Variants in MUCL1 observed in about 807,000 individuals in gnomAD.
MUCL1 encodes the protein mucin-like protein 1.
Under a neutral mutation model 9.2 loss-of-function variants are expected in MUCL1, and 11 were observed. That is an observed-to-expected ratio of 1.19 (90% CI 0.75 to 1.97). The LOEUF (loss-of-function observed/expected upper bound fraction) is 1.97, where lower values mean the gene tolerates loss of function less well. MUCL1 is among the 30% of genes most tolerant of loss of function. MUCL1 has a pLI of 0.00. For synonymous variants in MUCL1, 48 were observed against 40.5 expected (o/e 1.19, Z -0.71); for missense variants, 144 against 110.9 (o/e 1.30, Z -1.34).
Position 54,854,554 on chromosome 12 carries a change from C to T in MUCL1, c.-29C>T, listed in dbSNP as rs1343625922. On this transcript the variant is annotated 5_prime_UTR_variant, in exon 1 of 4. Transcript: ENST00000308796. ...CTCTTAGGCTTTGAAGCATTTTTGTCTGTGCTCCCTGATCTTCAGGTCACC... is the reference window on the plus strand; with the variant it reads ...CTCTTAGGCTTTGAAGCATTTTTGTTTGTGCTCCCTGATCTTCAGGTCACC... 1.0e-5 allele frequency: 16 copies of T among 1,600,904 alleles called. No individual in the cohort carries two copies. In the South Asian group the frequency reaches 1.6e-4, roughly 16 times the overall value.
chr12:54,839,350 T>A, upstream of MUCL1: 2 of 700,806 alleles, frequency 2.9e-6, no homozygotes, highest in Non-Finnish European at 5.2e-6. Flanking sequence ...TATTTATTAA[T>A]TTTCTCCCTC....
Position 54,854,596 on chromosome 12 carries a change from C to T in MUCL1, c.14C>T (p.Ala5Val). Residue 5 changes from alanine to valine, a missense_variant, in exon 1 of 4, where the codon GCA (alanine) becomes GTA (valine). Transcript: ENST00000308796. ...CAGGTCACCACCATGAAGTTCTTAG[C>T]AGTCCTGGTACTCTTGGGAGTTTCC... The part of the protein sequence containing the change: MKFL[A>V]VLVLLGVSIF... The T allele has an allele frequency of 6.2e-7, 1 of 1,613,396 alleles. No individual in the cohort carries two copies. The highest frequency in any genetic ancestry group is 8.5e-7 in the Non-Finnish European group (1 of 1,179,522).
chr12:54,836,350 C>A (rs1959193072), upstream of MUCL1, among the ~76,000 whole-genome samples: 1 of 152,078 alleles, frequency 6.6e-6, no homozygotes. Context: ...GAAATTTATT[C>A]ATTTCCTCTA....
At position 54,858,231 on chromosome 12, in the gene MUCL1, G is replaced by A; in HGVS notation, c.262G>A (p.Val88Met). The A allele has an allele frequency of 1.2e-6, 2 of 1,613,512 alleles. No homozygotes were observed. The highest frequency in any genetic ancestry group is 4.5e-5 in the East Asian group (2 of 44,856). ...KWVGDLPNGR[V>M]CP Reference sequence around the variant, plus strand: ...GGTTGGGGATCTCCCGAATGGTAGAGTGTGTCCCTGAGATGGAATCAGCTT... The same window carrying A: ...GGTTGGGGATCTCCCGAATGGTAGAATGTGTCCCTGAGATGGAATCAGCTT... The change falls in exon 4 of 4, where the codon GTG (valine) becomes ATG (methionine). Residue 88 changes from valine (V) to methionine (M), a missense_variant. Physicochemically the swap from Val to Met is conservative, Grantham distance 21 (BLOSUM62 1). Transcript: ENST00000308796.
At chr12:54,847,370 C>A (rs1959272493) in intron 1 of MUCL1, among the ~76,000 whole-genome samples, 1 of 152,168 alleles carries the variant, frequency 6.6e-6, no homozygotes, top group Non-Finnish European at 1.5e-5. Flanking sequence ...AATCCCAGCA[C>A]TTTGGGAGGA....
upstream of MUCL1, among the ~76,000 whole-genome samples, chr12:54,836,958 T>C (rs892404303): frequency 6.6e-6 from 1 of 152,238 alleles, no homozygotes; most frequent in Non-Finnish European, 1.5e-5. Context: ...CTTGATATAA[T>C]TTCAATTTTT....
intron 3 of MUCL1, among the ~76,000 whole-genome samples, chr12:54,857,370 C>T (rs898358909): frequency 6.6e-6 from 1 of 151,788 alleles, no homozygotes. Flanking sequence ...AATGATTTTA[C>T]AATCTTTCTT....
In MUCL1 at chr12:54,855,160, G is replaced by A. The variant is rs1440120721; in HGVS notation, c.100+3G>A. On this transcript the variant is annotated splice_donor_region_variant and intron_variant, in intron 2 of 3. Coordinates refer to ENST00000308796, the MANE Select transcript of MUCL1 (RefSeq NM_058173.3). Reference sequence around the variant, plus strand: ...TCCAGCTGACACGTATCCAGCTAGTGAGTCTGCACTTGAATGTCATCTCTT... The same window carrying A: ...TCCAGCTGACACGTATCCAGCTAGTAAGTCTGCACTTGAATGTCATCTCTT... The A allele has an allele frequency of 6.2e-7, 1 of 1,612,864 alleles. No individual in the cohort carries two copies. Among genetic ancestry groups the A allele is most frequent in the Non-Finnish European group, 8.5e-7 (1 of 1,179,350 alleles).
At position 54,856,862 on chromosome 12, in the gene MUCL1, G is replaced by T; in HGVS notation, c.193G>T (p.Ala65Ser). The change falls in exon 3 of 4, where the codon GCT becomes TCT. Residue 65 changes from alanine to serine, a missense_variant. Physicochemically the swap from Ala to Ser is moderately conservative, Grantham distance 99. Transcript: ENST00000308796. ...TGCTCCTACCACTGCAACCACCGCT[G>T]CTTCTACCACTGCTCGTAAAGACAT... ...TAAPTTATTA[A>S]STTARKDIPV... The T allele has an allele frequency of 1.2e-6, 2 of 1,613,200 alleles. No homozygotes were observed. The highest frequency in any genetic ancestry group is 1.7e-6 in the Non-Finnish European group (2 of 1,179,408).
intron 1 of MUCL1, among the ~76,000 whole-genome samples, chr12:54,840,031 C>T (rs998945314): frequency 3.3e-5 from 5 of 152,186 alleles, no homozygotes; most frequent in African/African-American, 1.2e-4. Context: ...TGAATTCCCC[C>T]TGCCCCTGGA....
At chr12:54,844,018 T>C (rs1264628270) in intron 1 of MUCL1, among the ~76,000 whole-genome samples, 3 of 152,194 alleles carry the variant, frequency 2.0e-5, no homozygotes, top group South Asian at 2.1e-4. Flanking sequence ...GATTTGGTAA[T>C]TTATTGTTTA....
At chr12:54,854,831 A>G (rs1868287320) in intron 1 of MUCL1, among the ~76,000 whole-genome samples, 191 bp downstream of exon 1, 1 of 152,162 alleles carries the variant, frequency 6.6e-6, no homozygotes, top group Admixed American at 6.5e-5. Flanking sequence ...GTCAGATCTT[A>G]CTTCAATAAT....
chr12:54,854,990 A>G (rs932009815), intron 1 of MUCL1, 126 bp from the exon 2 acceptor site: 2 of 771,082 alleles, frequency 2.6e-6, no homozygotes, highest in Admixed American at 2.2e-5. Flanking sequence ...GTTCTTCCTC[A>G]ACTGGTACAC....
At chr12:54,831,232 T>G (rs1959185026) in intron 1 of MUCL1, among the ~76,000 whole-genome samples, 2 of 152,296 alleles carry the variant, frequency 1.3e-5, no homozygotes, top group South Asian at 4.1e-4. Context: ...TCAAATTAAT[T>G]TATGCAATTT....
intron 1 of MUCL1, among the ~76,000 whole-genome samples, chr12:54,832,104 G>A (rs1959186217): frequency 6.6e-6 from 1 of 151,980 alleles, no homozygotes; most frequent in African/African-American, 2.4e-5. Context: ...TCCAGAATGA[G>A]GAATAAGAAA....
At chr12:54,852,495 C>A (rs1409046097), upstream of MUCL1, among the ~76,000 whole-genome samples, 1 of 152,188 alleles carries the variant, frequency 6.6e-6, no homozygotes, top group African/African-American at 2.4e-5. Context: ...ACACCTTATA[C>A]AAAAATTCAT....
At chr12:54,835,642 C>CT (rs1959191982), upstream of MUCL1, among the ~76,000 whole-genome samples, 1 of 146,654 alleles carries the variant, frequency 6.8e-6, no homozygotes, top group Admixed American at 6.9e-5. Flanking sequence ...GTTTGAGCTC[C>CT]TTGTCTTGTT....
intron 1 of MUCL1, among the ~76,000 whole-genome samples, chr12:54,848,643 T>C (rs1959291094): frequency 2.0e-5 from 3 of 152,098 alleles, no homozygotes; most frequent in African/African-American, 7.2e-5. Flanking sequence ...AATATGTAAA[T>C]CATGGAAGAG....
At chr12:54,847,818 G>T (rs1228105599) in intron 1 of MUCL1, among the ~76,000 whole-genome samples, 1 of 152,148 alleles carries the variant, frequency 6.6e-6, no homozygotes, top group Non-Finnish European at 1.5e-5. Context: ...TATGACAGAA[G>T]TTACGGGTCA....
Sources: gnomAD v4.1 joint callset for allele counts (sites outside exome capture counted in the v4.1 genomes callset) on GRCh38, gnomAD v4.1.1 for gene constraint, MANE v1.5 for transcripts, NCBI Gene and HGNC (gene_info 2026-07-23, HGNC 2026-07-21) for gene names.